The following TCF7L2 variants were observed in gnomAD, a reference collection of about 807,000 sequenced individuals.
TCF7L2 encodes transcription factor 7 like 2.
In TCF7L2, 23 loss-of-function variants were observed where a neutral mutation model predicts 77.9. That is an observed-to-expected ratio of 0.30 (90% CI 0.21 to 0.42). TCF7L2 has a LOEUF of 0.42. Among genes scored for constraint, TCF7L2 ranks in the 10% least tolerant of loss-of-function variants. The pLI, the probability that TCF7L2 is intolerant of heterozygous loss-of-function variation, is 1.00. For missense variants in TCF7L2, 654 were observed against 793.1 expected, an observed-to-expected ratio of 0.82 and a Z score of 2.11; for synonymous variants, 413 against 340.2, an observed-to-expected ratio of 1.21 and a Z score of -2.36.
chr10:112,993,016 G>A (rs1246876236), intron 4 of TCF7L2, among the ~76,000 whole-genome samples: 1 of 151,896 alleles, frequency 6.6e-6, no homozygotes, highest in East Asian at 2.0e-4. Context: ...ACCCGCCTCG[G>A]CCTCCGAAAG....
At chr10:113,057,754 G>A (rs996340833) in intron 5 of TCF7L2, among the ~76,000 whole-genome samples, 2 of 152,214 alleles carry the variant, frequency 1.3e-5, no homozygotes, top group African/African-American at 4.8e-5. Context: ...CAGAGGGAAG[G>A]GAGGTGGCTT....
At chr10:112,989,949 T>TC (rs2042229018) in intron 4 of TCF7L2, among the ~76,000 whole-genome samples, 1 of 152,208 alleles carries the variant, frequency 6.6e-6, no homozygotes. Context: ...GGCTTTCTTC[T>TC]CTTCCCCCTC....
intron 4 of TCF7L2, among the ~76,000 whole-genome samples, chr10:112,974,320 C>G (rs2038926353): frequency 6.6e-6 from 1 of 152,272 alleles, no homozygotes. Context: ...GTCTGGTAGT[C>G]TTTAACTGGA....
intron 4 of TCF7L2, among the ~76,000 whole-genome samples, chr10:113,016,674 A>G (rs2047385500): frequency 6.6e-6 from 1 of 151,688 alleles, no homozygotes; most frequent in East Asian, 1.9e-4. Flanking sequence ...CAGCTGCTGG[A>G]GAGTTGTTTT....
Position 112,975,058 on chromosome 10 carries a change from G to A in TCF7L2, c.450+10434G>A, listed in dbSNP as rs564272728. Reference sequence around the variant, plus strand: ...AACAGAAATGGCATTACCTGTTCCCGGGGGTTCCACCAAAACCACTGGTTG... The same window carrying A: ...AACAGAAATGGCATTACCTGTTCCCAGGGGTTCCACCAAAACCACTGGTTG... On this transcript the variant is annotated intron_variant, in intron 4 of 13. Coordinates refer to ENST00000627217, the MANE Select transcript of TCF7L2 (RefSeq NM_001146274.2). Among the ~76,000 whole-genome samples, 158 of 151,604 alleles carry A rather than the reference G, an allele frequency of 1.0e-3. 1 individual carries two copies. Among genetic ancestry groups the A allele is most frequent in the African/African-American group, 2.1e-3 (85 of 41,292 alleles).
chr10:113,039,977 CT>C lies in TCF7L2; in HGVS notation c.451-45del, dbSNP rs762279430. On this transcript the variant is annotated intron_variant, in intron 4 of 13. Coordinates refer to ENST00000627217, the MANE Select transcript of TCF7L2 (RefSeq NM_001146274.2). ...TCTTGGGCTAGTTGTTCTGCATTTA[CT>C]TTCTGAATTCATTGTTTTTCATTTC... is the stretch of plus-strand genomic sequence containing the variant. 1.7e-5 allele frequency: 26 copies of C among 1,555,348 alleles called. No individual in the cohort carries two copies. The East Asian group carries it at 5.4e-4, about 32-fold the overall frequency.
intron 5 of TCF7L2, among the ~76,000 whole-genome samples, chr10:113,123,254 T>TA (rs1220576966): frequency 6.6e-6 from 1 of 152,242 alleles, no homozygotes. Flanking sequence ...AAGCTGCCTA[T>TA]TAACAACTCC....
At chr10:113,024,697 G>GC (rs1228013694) in intron 4 of TCF7L2, among the ~76,000 whole-genome samples, 4 of 141,946 alleles carry the variant, frequency 2.8e-5, no homozygotes, top group African/African-American at 1.1e-4. Context: ...TCGGCTCACT[G>GC]CAACCTCTAC....
intron 4 of TCF7L2, among the ~76,000 whole-genome samples, chr10:113,016,971 C>T (rs146244468): frequency 1.1e-4 from 16 of 152,240 alleles, no homozygotes; most frequent in Admixed American, 3.9e-4. Flanking sequence ...GAGGACTGAC[C>T]ACTTCTTGAG....
At chr10:112,987,367 T>A (rs1034963965) in intron 4 of TCF7L2, 2 of 152,096 alleles carry the variant, frequency 1.3e-5, no homozygotes, top group African/African-American at 4.8e-5. Flanking sequence ...ATACTGTATC[T>A]TTTGCTTTTT....
intron 4 of TCF7L2, among the ~76,000 whole-genome samples, chr10:113,014,836 CT>C (rs2047071067): frequency 2.0e-5 from 3 of 152,114 alleles, no homozygotes; most frequent in Admixed American, 2.0e-4. Flanking sequence ...TTTCCTCCTT[CT>C]GTCCTTTATG....
chr10:113,147,255 T>C (rs1177589589), intron 8 of TCF7L2, among the ~76,000 whole-genome samples: 1 of 152,194 alleles, frequency 6.6e-6, no homozygotes, highest in Non-Finnish European at 1.5e-5. Flanking sequence ...GTCCCCAGCT[T>C]CTTTCCCCAG....
At position 113,037,549 on chromosome 10, in the gene TCF7L2, G is replaced by A. The variant is rs1292392107; in HGVS notation, c.451-2476G>A. Among the ~76,000 whole-genome samples, 4 of 152,218 alleles carry A rather than the reference G, an allele frequency of 2.6e-5. No individual in the cohort carries two copies. In the East Asian group the frequency reaches 5.8e-4, roughly 22 times the overall value. ...ATGTGGGCTCATAAAAATATGTGGT[G>A]CAGGTAGCCTATGGAGATTGGATGT... On this transcript the variant is annotated intron_variant, in intron 4 of 13. Coordinates refer to ENST00000627217, the MANE Select transcript of TCF7L2 (RefSeq NM_001146274.2).
intron 13 of TCF7L2, among the ~76,000 whole-genome samples, chr10:113,160,932 AG>A (rs962252900): frequency 1.3e-5 from 2 of 152,152 alleles, no homozygotes; most frequent in Non-Finnish European, 2.9e-5. Flanking sequence ...CTGAGACCAC[AG>A]CCTTAACAAA....
rs144630063 is a variant in TCF7L2, at chr10:113,045,037, A to C, written c.552+4911A>C. Among the ~76,000 whole-genome samples, 299 of 152,262 alleles carry C rather than the reference A, an allele frequency of 2.0e-3. 3 individuals are homozygous for C. The highest frequency in any genetic ancestry group is 6.3e-3 in the African/African-American group (261 of 41,548). ...TGGCATTGAGGGAGAAAGGAGAGTC[A>C]AAGGTAGGTAGATGGAGATGCTTCA... is the stretch of plus-strand genomic sequence containing the variant. On this transcript the variant is annotated intron_variant, in intron 5 of 13. Coordinates refer to ENST00000627217, the MANE Select transcript of TCF7L2 (RefSeq NM_001146274.2).
chr10:112,957,540 G>A (rs936922689), intron 3 of TCF7L2, among the ~76,000 whole-genome samples: 2 of 152,096 alleles, frequency 1.3e-5, no homozygotes, highest in African/African-American at 4.8e-5. Flanking sequence ...CAGAATAAAT[G>A]CCTAAGAAAG....
At chr10:113,042,025 C>T (rs2052541894) in intron 5 of TCF7L2, among the ~76,000 whole-genome samples, 1 of 152,178 alleles carries the variant, frequency 6.6e-6, no homozygotes, top group South Asian at 2.1e-4. Flanking sequence ...GGGCCCCATG[C>T]CAGGGAGCAG....
chr10:113,117,226 G>A (rs2063835949), intron 5 of TCF7L2, among the ~76,000 whole-genome samples: 1 of 152,160 alleles, frequency 6.6e-6, no homozygotes, highest in Admixed American at 6.5e-5. Context: ...TCATCCCTAA[G>A]TATAACAAAT....
In TCF7L2 at chr10:113,097,659, A is replaced by C. The variant is rs1477209773; in HGVS notation, c.553-43525A>C. ...ACTCTTGTCTCGGAAAAAAAAAAAA[A>C]AAAAAAAAAAAAAAACAACCATGAG... On this transcript the variant is annotated intron_variant, in intron 5 of 13. Transcript: ENST00000627217. Among the ~76,000 whole-genome samples, 3 of 142,180 alleles carry C rather than the reference A, an allele frequency of 2.1e-5. No homozygotes were observed. The East Asian group carries it at 5.9e-4, about 28-fold the overall frequency. The allele number at this position is 142,180 out of a possible 152,430, so 93.3% of individuals were successfully genotyped here.
Sources: gnomAD v4.1 joint callset for allele counts (sites outside exome capture counted in the v4.1 genomes callset) on GRCh38, gnomAD v4.1.1 for gene constraint, MANE v1.5 for transcripts, NCBI Gene and HGNC (gene_info 2026-07-23, HGNC 2026-07-21) for gene names.